SGSM2: variants seen among roughly 807,000 people sequenced by gnomAD.
The protein encoded by SGSM2 is small G protein signaling modulator 2, also known as RUN and TBC1 domain containing 1.
A neutral mutation model predicts 126.6 loss-of-function variants in SGSM2; 89 were observed. The ratio of observed to expected loss-of-function variants is 0.70; its 90% CI spans 0.59 to 0.84. SGSM2 has a LOEUF of 0.84. SGSM2 is among the 40% of genes least tolerant of loss of function. SGSM2 has a pLI of 0.00. For synonymous variants in SGSM2, 614 were observed against 574.3 expected (o/e 1.07, Z -0.99); for missense variants, 1,404 against 1,416.6 (o/e 0.99, Z 0.14).
chr17:2,366,978 CCAGA>C (rs1426959072), intron 11 of SGSM2: 1 of 364,708 alleles, frequency 2.7e-6, no homozygotes, highest in Non-Finnish European at 5.1e-6. Context: ...CCAGCCCATC[CCAGA>C]CAGTCCCGGT....
At chr17:2,353,864 G>A (rs946112930) in intron 2 of SGSM2, among the ~76,000 whole-genome samples, 6 of 151,978 alleles carry the variant, frequency 3.9e-5, no homozygotes, top group Non-Finnish European at 7.4e-5. Flanking sequence ...AACCACTTTT[G>A]TTTCTCATGC....
At position 2,337,876 on chromosome 17, in the gene SGSM2, C is replaced by T; in HGVS notation, c.57+131C>T. ...TGGGCCGGGCGGGGCGGGTCCTGGA[C>T]GGGCTGCGCCTCCTTCCCCTTTCTC... On this transcript the variant is annotated intron_variant, in intron 1 of 23. Transcript: ENST00000268989. The surrounding 1 kb of genome is among the most constrained non-coding windows in gnomAD (Gnocchi z 5.1). The T allele has an allele frequency of 2.1e-6, 1 of 468,434 alleles. No individual in the cohort carries two copies. Among genetic ancestry groups the T allele is most frequent in the East Asian group, 4.4e-5 (1 of 22,608 alleles). The allele number at this position is 468,434 out of a possible 1,614,324, so 29.0% of individuals were successfully genotyped here.
chr17:2,365,139 T>C, intron 10 of SGSM2, 76 bp from the exon 11 acceptor site: 2 of 1,593,702 alleles, frequency 1.3e-6, no homozygotes, highest in South Asian at 1.1e-5. Context: ...CGTGGAGTTC[T>C]TAGGAGCGGC....
chr17:2,369,285 C>T (rs1413041783), intron 12 of SGSM2, among the ~76,000 whole-genome samples: 1 of 152,172 alleles, frequency 6.6e-6, no homozygotes, highest in Non-Finnish European at 1.5e-5. Context: ...TCCAAATTTC[C>T]TCTCCCTCCC....
At chr17:2,350,225 AATGTTTAT>A (rs1281508665) in intron 2 of SGSM2, among the ~76,000 whole-genome samples, 2 of 151,796 alleles carry the variant, frequency 1.3e-5, no homozygotes, top group Non-Finnish European at 2.9e-5. Context: ...TTTGGCCTAG[AATGTTTAT>A]ATTCACATGG....
At position 2,380,135 on chromosome 17, in the gene SGSM2, C is replaced by A; in HGVS notation, c.*615C>A. 1 of 1,437,028 alleles carries A rather than the reference C, an allele frequency of 7.0e-7. No homozygotes were observed. Among genetic ancestry groups the A allele is most frequent in the Non-Finnish European group, 9.1e-7 (1 of 1,096,030 alleles). The allele number at this position is 1,437,028 out of a possible 1,614,324, so 89.0% of individuals were successfully genotyped here. ...ATGTGGGCCCTGGGTGGGAGCAGCC[C>A]ACTTCAGCAGCACTGCCACTGCCTT... On this transcript the variant is annotated 3_prime_UTR_variant, in exon 24 of 24. Transcript: ENST00000268989.
At chr17:2,338,191 C>A (rs2064174080) in intron 1 of SGSM2, among the ~76,000 whole-genome samples, 1 of 152,166 alleles carries the variant, frequency 6.6e-6, no homozygotes, top group Non-Finnish European at 1.5e-5. Flanking sequence ...GGCTGAGCTC[C>A]CCCTTGTCCG....
intron 2 of SGSM2, 37 bp from the exon 3 acceptor site, chr17:2,361,600 T>C: frequency 6.2e-7 from 1 of 1,607,406 alleles, no homozygotes; most frequent in Non-Finnish European, 8.5e-7. Flanking sequence ...TCCCCCGTCT[T>C]TCCCAGGCTC....
rs189520990 is a variant in SGSM2, at chr17:2,349,989, G to A, written c.133+6369G>A. ...TTTTTAGTAGACATGGGGTTTCACC[G>A]TGTTAGCCAGGATGGTCTCAATCTC... On this transcript the variant is annotated intron_variant, in intron 2 of 23. Transcript: ENST00000268989. Among the ~76,000 whole-genome samples the A allele has an allele frequency of 1.3e-3, 192 of 151,952 alleles. 1 individual carries two copies. Among genetic ancestry groups the A allele is most frequent in the African/African-American group, 4.4e-3 (182 of 41,470 alleles).
At position 2,372,622 on chromosome 17, in the gene SGSM2, C is replaced by T. The variant is rs528851059; in HGVS notation, c.1788+134C>T. 3 of 1,284,698 alleles carry T rather than the reference C, an allele frequency of 2.3e-6. No homozygotes were observed. The highest frequency in any genetic ancestry group is 2.6e-5 in the Admixed American group (1 of 38,282). The allele number at this position is 1,284,698 out of a possible 1,614,324, so 79.6% of individuals were successfully genotyped here. On this transcript the variant is annotated intron_variant, in intron 15 of 23. Transcript: ENST00000268989. The surrounding 1 kb of genome is among the most constrained non-coding windows in gnomAD (Gnocchi z 6.0). Reference sequence around the variant, plus strand: ...TGCCACGGAGTGACCAGGGTCCCGGCAGAATCTCTTGCAGCTGGGCCTGGG... The same window carrying T: ...TGCCACGGAGTGACCAGGGTCCCGGTAGAATCTCTTGCAGCTGGGCCTGGG...
intron 11 of SGSM2, among the ~76,000 whole-genome samples, chr17:2,365,795 G>A (rs2017611): frequency 0.062 from 9,018 of 145,654 alleles, 331 homozygotes; most frequent in Admixed American, 0.097. Context: ...TACCCAGGCT[G>A]GAGTTTAATG....
At chr17:2,352,774 T>A (rs1347492208) in intron 2 of SGSM2, among the ~76,000 whole-genome samples, 1 of 89,592 alleles carries the variant, frequency 1.1e-5, no homozygotes, top group Admixed American at 9.7e-5. Context: ...TTTCTTTTTT[T>A]TTTTTTTTTT....
At chr17:2,374,895 G>A (rs891090361) in intron 17 of SGSM2, among the ~76,000 whole-genome samples, 1 of 152,164 alleles carries the variant, frequency 6.6e-6, no homozygotes, top group East Asian at 1.9e-4. Context: ...CTCTGTATGT[G>A]TCTCTTCTTT....
chr17:2,367,502 A>G lies in SGSM2; in HGVS notation c.1423+97A>G. On this transcript the variant is annotated intron_variant, in intron 12 of 23. Coordinates refer to ENST00000268989, the MANE Select transcript of SGSM2 (RefSeq NM_014853.3). This position sits in a 1 kb window ranked among gnomAD's most constrained non-coding sequence, Gnocchi z 4.0. ...CAGGGGTTCGAACGGCAGTGTTGGC[A>G]TTAGGGGACTTGCACCCAGGGCAGT... is the stretch of plus-strand genomic sequence containing the variant. 2.2e-6 allele frequency: 3 copies of G among 1,389,362 alleles called. No individual in the cohort carries two copies. Among genetic ancestry groups the G allele is most frequent in the Non-Finnish European group, 3.0e-6 (3 of 1,016,834 alleles). The allele number at this position is 1,389,362 out of a possible 1,614,324, so 86.1% of individuals were successfully genotyped here.
chr17:2,364,557 G>A (rs1235805101), intron 8 of SGSM2, 39 bp from the exon 9 acceptor site: 5 of 1,607,424 alleles, frequency 3.1e-6, no homozygotes, highest in Non-Finnish European at 4.3e-6. Flanking sequence ...AGGATGGCAG[G>A]TCTTTGGACA....
Position 2,363,649 on chromosome 17 carries a change from C to A in SGSM2, c.807+50C>A. 1.3e-6 allele frequency: 2 copies of A among 1,599,636 alleles called. No individual in the cohort carries two copies. The highest frequency in any genetic ancestry group is 8.5e-7 in the Non-Finnish European group (1 of 1,170,806). On this transcript the variant is annotated intron_variant, in intron 7 of 23. Coordinates refer to ENST00000268989, the MANE Select transcript of SGSM2 (RefSeq NM_014853.3). This position sits in a 1 kb window ranked among gnomAD's most constrained non-coding sequence, Gnocchi z 4.2. Reference sequence around the variant, plus strand: ...CCTCCCCGAAGGTCCCCGAACGAGACGACTGGAAGCCTCTAGCCATGGCTA... The same window carrying A: ...CCTCCCCGAAGGTCCCCGAACGAGAAGACTGGAAGCCTCTAGCCATGGCTA...
chr17:2,370,602 C>T (rs1000827152), intron 12 of SGSM2, among the ~76,000 whole-genome samples: 6 of 150,506 alleles, frequency 4.0e-5, no homozygotes, highest in Non-Finnish European at 8.9e-5. Context: ...ATGCTAACTG[C>T]TGTCAGGCTA....
intron 22 of SGSM2, 121 bp from the exon 23 acceptor site, chr17:2,378,915 C>T (rs2066297081): frequency 8.2e-7 from 1 of 1,214,174 alleles, no homozygotes; most frequent in Non-Finnish European, 1.1e-6. Flanking sequence ...AGCATCAGCC[C>T]CAGCCCCAGC....
intron 19 of SGSM2, chr17:2,376,505 C>T: frequency 1.5e-6 from 1 of 663,956 alleles, no homozygotes. Context: ...GCACCCCCGC[C>T]CCACATACCA....
Sources: allele counts gnomAD v4.1 joint callset (sites outside exome capture counted in the v4.1 genomes callset), GRCh38; gene constraint gnomAD v4.1.1; non-coding constraint Gnocchi (gnomAD v3.1); transcripts MANE v1.5; gene names NCBI Gene and HGNC (gene_info 2026-07-23, HGNC 2026-07-21).